Variants in REEP3 observed in about 807,000 individuals in gnomAD.
The protein encoded by REEP3 is receptor expression-enhancing protein 3.
Under a neutral mutation model 41.3 loss-of-function variants are expected in REEP3, and 20 were observed. That is an observed-to-expected ratio of 0.48 (90% confidence interval 0.34 to 0.70). The LOEUF (loss-of-function observed/expected upper bound fraction) is 0.70. Among genes scored for constraint, REEP3 ranks in the 30% least tolerant of loss-of-function variants. REEP3 has a pLI of 0.01. For synonymous variants in REEP3, 104 were observed against 101.8 expected, an observed-to-expected ratio of 1.02 and a Z score of -0.13; for missense variants, 271 against 308.8, an observed-to-expected ratio of 0.88 and a Z score of 0.92.
At chr10:63,534,534 G>A (rs561787484) in intron 1 of REEP3, among the ~76,000 whole-genome samples, 1 of 152,334 alleles carries the variant, frequency 6.6e-6, no homozygotes, top group African/African-American at 2.4e-5. Context: ...ACAGGCGTGA[G>A]CCACTACAAC....
chr10:63,592,863 A>T (rs537890747), intron 2 of REEP3, among the ~76,000 whole-genome samples: 5 of 152,138 alleles, frequency 3.3e-5, no homozygotes, highest in African/African-American at 1.2e-4. Flanking sequence ...ACTGCACTCC[A>T]CCCTGGGCGA....
chr10:63,598,573 C>T (rs971139294), intron 4 of REEP3, among the ~76,000 whole-genome samples: 12 of 150,932 alleles, frequency 8.0e-5, no homozygotes, highest in African/African-American at 2.4e-4. Flanking sequence ...TCACTAGGTC[C>T]GGAGATCGAG....
intron 2 of REEP3, among the ~76,000 whole-genome samples, chr10:63,585,463 T>C (rs143343706): frequency 2.0e-5 from 3 of 152,194 alleles, no homozygotes; most frequent in African/African-American, 7.2e-5. Context: ...CTAGTAGTTA[T>C]ATATTAAATC....
chr10:63,616,281 T>G (rs1956311726), intron 6 of REEP3, among the ~76,000 whole-genome samples: 1 of 151,768 alleles, frequency 6.6e-6, no homozygotes, highest in Admixed American at 6.6e-5. Flanking sequence ...GCTGATTACA[T>G]TCTCTTACTG....
chr10:63,542,637 A>G (rs1955539172), intron 1 of REEP3, among the ~76,000 whole-genome samples: 2 of 152,224 alleles, frequency 1.3e-5, no homozygotes, highest in Non-Finnish European at 2.9e-5. Flanking sequence ...CATTACAGCA[A>G]GGCACTAATC....
At chr10:63,551,728 T>C (rs1262859560) in intron 1 of REEP3, among the ~76,000 whole-genome samples, 1 of 152,050 alleles carries the variant, frequency 6.6e-6, no homozygotes, top group East Asian at 1.9e-4. Context: ...GTGAGGAGCT[T>C]GGGAAAACAT....
chr10:63,521,623 G>T (rs964831045), intron 1 of REEP3, 46 bp downstream of exon 1: 66 of 1,355,146 alleles, frequency 4.9e-5, no homozygotes, highest in Non-Finnish European at 5.7e-5. Flanking sequence ...AGGCCCAGGG[G>T]AGCTGTGGGA....
chr10:63,593,956 GAAGT>G (rs2133404134), intron 2 of REEP3, among the ~76,000 whole-genome samples: 1 of 152,248 alleles, frequency 6.6e-6, no homozygotes, highest in Non-Finnish European at 1.5e-5. Flanking sequence ...ATCATTAATA[GAAGT>G]AAGAAGCCCA....
At chr10:63,568,672 T>TTG (rs71025194) in intron 2 of REEP3, among the ~76,000 whole-genome samples, 5 of 149,606 alleles carry the variant, frequency 3.3e-5, no homozygotes, top group African/African-American at 1.2e-4. Flanking sequence ...TTTTTTTTTT[T>TTG]GAGACAGGGT....
intron 1 of REEP3, among the ~76,000 whole-genome samples, chr10:63,543,228 C>A (rs1955545793): frequency 6.6e-6 from 1 of 152,150 alleles, no homozygotes; most frequent in African/African-American, 2.4e-5. Flanking sequence ...CATGAAAATT[C>A]TGTTCTACAT....
At chr10:63,576,645 T>C (rs1426746153) in intron 2 of REEP3, among the ~76,000 whole-genome samples, 1 of 152,210 alleles carries the variant, frequency 6.6e-6, no homozygotes, top group Non-Finnish European at 1.5e-5. Flanking sequence ...TCAGCTTGTG[T>C]TGCCATAACA....
At chr10:63,527,798 C>G (rs1425973273) in intron 1 of REEP3, among the ~76,000 whole-genome samples, 3 of 152,214 alleles carry the variant, frequency 2.0e-5, no homozygotes, top group African/African-American at 7.2e-5. Flanking sequence ...TCTCCTTCCA[C>G]TCCACTGAAA....
rs71025187 is a variant in REEP3 at position 63,533,710 on chromosome 10, CTTT to C, written c.32+12146_32+12148del. Among the ~76,000 whole-genome samples the C allele has an allele frequency of 2.1e-3, 214 of 101,118 alleles. 24 individuals carry two copies. The highest frequency in any genetic ancestry group is 3.6e-3 in the Non-Finnish European group (165 of 46,354). The allele number at this position is 101,118 out of a possible 152,430, so 66.3% of individuals were successfully genotyped here. ...GAAAGAGCCTTGGAAGTATGTAAAT[CTTT>C]TTTTTTTTTTTTGAGACGGAGTCTC... On this transcript the variant is annotated intron_variant, in intron 1 of 7. Coordinates refer to ENST00000373758, the MANE Select transcript of REEP3 (RefSeq NM_001001330.3).
At chr10:63,592,617 G>A (rs1252584605) in intron 2 of REEP3, among the ~76,000 whole-genome samples, 6 of 152,152 alleles carry the variant, frequency 3.9e-5, no homozygotes, top group Admixed American at 6.5e-5. Context: ...TGGGCCGGGC[G>A]CGGTGGCTCA....
chr10:63,550,408 T>C (rs1398714407), intron 1 of REEP3, among the ~76,000 whole-genome samples: 5 of 152,230 alleles, frequency 3.3e-5, no homozygotes, highest in Non-Finnish European at 5.9e-5. Context: ...TATAACTAGA[T>C]GGCTTACTAT....
At chr10:63,585,342 G>T (rs1162839791) in intron 2 of REEP3, among the ~76,000 whole-genome samples, 1 of 152,170 alleles carries the variant, frequency 6.6e-6, no homozygotes. Flanking sequence ...GGTACACAGA[G>T]ATTATATATG....
At position 63,611,844 on chromosome 10, in the gene REEP3, G is replaced by C. The variant is rs540096782; in HGVS notation, c.565+1510G>C. Among the ~76,000 whole-genome samples the C allele has an allele frequency of 4.4e-3, 667 of 150,730 alleles. 6 individuals are homozygous for C. Among genetic ancestry groups the C allele is most frequent in the African/African-American group, 0.016 (642 of 41,070 alleles). On this transcript the variant is annotated intron_variant, in intron 6 of 7. Transcript: ENST00000373758. ...ATTCACCGAGCTACTTGGGAGGCAGGTGGGAAAATCACTTGAGCCCAGGAA... is the reference window on the plus strand; with the variant it reads ...ATTCACCGAGCTACTTGGGAGGCAGCTGGGAAAATCACTTGAGCCCAGGAA...
intron 2 of REEP3, among the ~76,000 whole-genome samples, chr10:63,581,548 C>T (rs955782864): frequency 1.3e-5 from 2 of 151,990 alleles, no homozygotes; most frequent in Admixed American, 6.6e-5. Flanking sequence ...TGAGACTAAC[C>T]TGGGCAACAT....
intron 1 of REEP3, among the ~76,000 whole-genome samples, chr10:63,537,541 A>G (rs1955486333): frequency 6.6e-6 from 1 of 152,220 alleles, no homozygotes; most frequent in Non-Finnish European, 1.5e-5. Flanking sequence ...TGTGTCATAT[A>G]TTCTTTTCCT....
Sources: gnomAD v4.1 joint callset for allele counts (sites outside exome capture counted in the v4.1 genomes callset) on GRCh38, gnomAD v4.1.1 for gene constraint, MANE v1.5 for transcripts, NCBI Gene and HGNC (gene_info 2026-07-23, HGNC 2026-07-21) for gene names.